The following SOX6 variants were observed in gnomAD, a reference collection of about 807,000 sequenced individuals.
The protein encoded by SOX6 is transcription factor SOX-6.
Under a neutral mutation model 97.8 loss-of-function variants are expected in SOX6, and 11 were observed. The observed-to-expected ratio is 0.11, with a 90% confidence interval of 0.07 to 0.19. The LOEUF (loss-of-function observed/expected upper bound fraction) is 0.19, where lower values mean the gene tolerates loss of function less well. Among genes scored for constraint, SOX6 ranks in the 10% least tolerant of loss-of-function variants. SOX6 has a pLI of 1.00. For synonymous variants in SOX6, 360 were observed against 371.4 expected (o/e 0.97, Z 0.35); for missense variants, 810 against 1,039.5 (o/e 0.78, Z 3.04).
chr11:16,058,384 G>A (rs1847869171), intron 9 of SOX6, among the ~76,000 whole-genome samples: 1 of 151,900 alleles, frequency 6.6e-6, no homozygotes, highest in Non-Finnish European at 1.5e-5. Flanking sequence ...CAAGGTCTTT[G>A]AACTCTTTCA....
intron 15 of SOX6, among the ~76,000 whole-genome samples, chr11:15,982,856 T>G (rs1383376694): frequency 1.3e-5 from 2 of 152,024 alleles, no homozygotes; most frequent in African/African-American, 4.8e-5. Flanking sequence ...TATGAGTTCA[T>G]AGGTAAATTA....
intron 6 of SOX6, among the ~76,000 whole-genome samples, chr11:16,132,441 GAAAAAAGA>G (rs1271470793): frequency 1.8e-5 from 1 of 54,708 alleles, no homozygotes; most frequent in African/African-American, 8.8e-5. Flanking sequence ...AAGAAAGAAA[GAAAAAAGA>G]AAGAAAGAAA....
At chr11:16,269,659 C>A (rs1257806645) in intron 3 of SOX6, among the ~76,000 whole-genome samples, 7 of 150,714 alleles carry the variant, frequency 4.6e-5, no homozygotes, top group Non-Finnish European at 1.0e-4. Flanking sequence ...TGTATATTTT[C>A]TTTTAAGTTT....
At chr11:16,681,328 T>C (rs190021173) in intron 3 of SOX6, among the ~76,000 whole-genome samples, 2 of 152,146 alleles carry the variant, frequency 1.3e-5, no homozygotes, top group Non-Finnish European at 2.9e-5. Context: ...CACAACTACA[T>C]GGAAACTGAA....
chr11:16,056,749 T>C (rs1847824715), intron 9 of SOX6, among the ~76,000 whole-genome samples: 1 of 152,202 alleles, frequency 6.6e-6, no homozygotes, highest in Non-Finnish European at 1.5e-5. Context: ...CAGCTTAAAA[T>C]GGTTCCTCTT....
rs557690318 is a variant in SOX6 at position 16,681,066 on chromosome 11, C to A, written n.429+33764G>T. Among the ~76,000 whole-genome samples the A allele has an allele frequency of 1.1e-4, 17 of 152,224 alleles. No individual in the cohort carries two copies. In the South Asian group the frequency reaches 3.5e-3, roughly 32 times the overall value. ...ACAGATTAACAAGACAGAAGGAAAACAAGGATATCCAGGACTTGAACTCAG... is the reference window on the plus strand; with the variant it reads ...ACAGATTAACAAGACAGAAGGAAAAAAAGGATATCCAGGACTTGAACTCAG... On this transcript the variant is annotated intron_variant and non_coding_transcript_variant, in intron 3 of 5. Coordinates refer to the SOX6 transcript ENST00000524520.
chr11:16,016,283 G>C (rs1230489965), intron 12 of SOX6, among the ~76,000 whole-genome samples: 1 of 151,994 alleles, frequency 6.6e-6, no homozygotes, highest in African/African-American at 2.4e-5. Flanking sequence ...AAATTGTGCA[G>C]GAAGTCTTCC....
At chr11:16,525,249 A>C (rs1378247779) in intron 4 of SOX6, among the ~76,000 whole-genome samples, 2 of 152,126 alleles carry the variant, frequency 1.3e-5, no homozygotes, top group African/African-American at 4.8e-5. Context: ...AGGCTACAGT[A>C]ACCAAAACAG....
chr11:16,488,594 C>A (rs996230624), intron 4 of SOX6, among the ~76,000 whole-genome samples: 1 of 152,054 alleles, frequency 6.6e-6, no homozygotes, highest in African/African-American at 2.4e-5. Context: ...GGGTACAAGA[C>A]CCTACAGTTG....
At chr11:16,470,269 G>C (rs190877527) in intron 1 of SOX6, among the ~76,000 whole-genome samples, 44 of 152,130 alleles carry the variant, frequency 2.9e-4, no homozygotes, top group Non-Finnish European at 5.7e-4. Context: ...CCTGCTCTAT[G>C]TCAAGATTAG....
chr11:16,157,880 G>T (rs1850643042), intron 6 of SOX6, among the ~76,000 whole-genome samples: 1 of 151,856 alleles, frequency 6.6e-6, no homozygotes, highest in South Asian at 2.1e-4. Context: ...TCAAAATTCA[G>T]ATTCATATCA....
intron 15 of SOX6, among the ~76,000 whole-genome samples, chr11:15,978,872 A>G (rs1295567864): frequency 7.3e-6 from 1 of 137,204 alleles, no homozygotes; most frequent in Admixed American, 7.5e-5. Context: ...TATATAACAT[A>G]TAAGCATTAT....
intron 3 of SOX6, among the ~76,000 whole-genome samples, chr11:16,632,334 A>G (rs761196039): frequency 6.6e-6 from 1 of 151,666 alleles, no homozygotes; most frequent in Non-Finnish European, 1.5e-5. Context: ...AGTCCCATGC[A>G]CTTCTTTGGG....
At chr11:16,446,785 T>C (rs190963086) in intron 1 of SOX6, among the ~76,000 whole-genome samples, 9 of 123,732 alleles carry the variant, frequency 7.3e-5, no homozygotes, top group Non-Finnish European at 1.2e-4. Flanking sequence ...ATTTCTTTTT[T>C]ACTTAAAAAG....
At chr11:16,055,998 G>A in intron 9 of SOX6, 97 bp from the exon 10 acceptor site, 1 of 1,341,324 alleles carries the variant, frequency 7.5e-7, no homozygotes, top group Non-Finnish European at 1.0e-6. Context: ...TTCTCAGACA[G>A]CCTTGTAATT....
At chr11:16,556,414 C>A (rs1239178402) in intron 4 of SOX6, among the ~76,000 whole-genome samples, 1 of 151,686 alleles carries the variant, frequency 6.6e-6, no homozygotes, top group Non-Finnish European at 1.5e-5. Flanking sequence ...TTCCACACTT[C>A]CTCCCACTAA....
At chr11:15,977,227 T>C (rs1243055708) in intron 15 of SOX6, among the ~76,000 whole-genome samples, 1 of 152,056 alleles carries the variant, frequency 6.6e-6, no homozygotes, top group African/African-American at 2.4e-5. Flanking sequence ...CTGTAGATGT[T>C]CATTCCAACA....
chr11:16,158,865 G>GGT (rs10549567), intron 6 of SOX6, among the ~76,000 whole-genome samples: 3,192 of 145,936 alleles, frequency 0.022, 35 homozygotes, highest in Middle Eastern at 0.056. Context: ...TGAAGTTACA[G>GGT]GTGTGTGTGT....
chr11:15,993,067 C>A, intron 13 of SOX6, among the ~76,000 whole-genome samples: 1 of 151,786 alleles, frequency 6.6e-6, no homozygotes, highest in South Asian at 2.1e-4. Flanking sequence ...GAATTGTTGC[C>A]GCAGTAGAAA....
Sources: gnomAD v4.1 joint callset for allele counts (sites outside exome capture counted in the v4.1 genomes callset) on GRCh38, gnomAD v4.1.1 for gene constraint, MANE v1.5 for transcripts, NCBI Gene and HGNC (gene_info 2026-07-23, HGNC 2026-07-21) for gene names.